ADAMTS9: variants seen among roughly 807,000 people sequenced by gnomAD.
ADAMTS9 encodes ADAM metallopeptidase with thrombospondin type 1 motif 9, also known as A disintegrin and metalloproteinase with thrombospondin motifs 9.
ADAMTS9 carries 107 observed loss-of-function variants against 257.1 expected under a neutral mutation model. That is an observed-to-expected ratio of 0.42 (90% CI 0.36 to 0.49). The LOEUF (loss-of-function observed/expected upper bound fraction) is 0.49. ADAMTS9 is among the 20% of genes least tolerant of loss of function. The pLI is 0.03. For missense variants in ADAMTS9, 2,353 were observed against 2,469.1 expected, an observed-to-expected ratio of 0.95 and a Z score of 1.00; for synonymous variants, 982 against 880.9, an observed-to-expected ratio of 1.11 and a Z score of -2.03.
chr3:64,525,209 T>C (rs1196739508), intron 38 of ADAMTS9, among the ~76,000 whole-genome samples: 1 of 152,206 alleles, frequency 6.6e-6, no homozygotes, highest in Non-Finnish European at 1.5e-5. Flanking sequence ...AATGAATGAA[T>C]GAAAGGCTGA....
At chr3:64,571,125 T>C (rs1028555846) in intron 28 of ADAMTS9, among the ~76,000 whole-genome samples, 24 of 152,214 alleles carry the variant, frequency 1.6e-4, no homozygotes, top group Admixed American at 1.0e-3. Context: ...TAATCTACTG[T>C]GGTCATCAGA....
Position 64,647,929 on chromosome 3 carries a change from G to C in ADAMTS9, c.1710+11C>G, listed in dbSNP as rs1449789653. 6.2e-7 allele frequency: 1 copy of C among 1,611,878 alleles called. No homozygotes were observed. The highest frequency in any genetic ancestry group is 1.7e-5 in the Admixed American group (1 of 59,798). The stretch of plus-strand genomic sequence containing the variant: ...CCCTAAGACAGAAGGACAGAACAGG[G>C]CATTACTTGCCTTTCCAGGCTCGCA... On this transcript the variant is annotated intron_variant, in intron 11 of 39. Transcript: ENST00000498707.
In ADAMTS9 at chr3:64,616,116, G is replaced by T; in HGVS notation, c.2868C>A (p.Arg956=). The T allele has an allele frequency of 6.2e-7, 1 of 1,614,108 alleles. No individual in the cohort carries two copies. Among genetic ancestry groups the T allele is most frequent in the Non-Finnish European group, 8.5e-7 (1 of 1,179,982 alleles). Residue 956 remains arginine, a synonymous_variant, in exon 20 of 40, where the codon CGC becomes CGA. Coordinates refer to ENST00000498707, the MANE Select transcript of ADAMTS9 (RefSeq NM_182920.2). ...ATTTGGCACAGTAGATGTCCAATGT[G>T]CGGTAACCCAAGCCACACTGGGCAC... ...ECSAQCGLGY[R]TLDIYCAKYS...
At chr3:64,524,535 G>A (rs976133927) in intron 38 of ADAMTS9, among the ~76,000 whole-genome samples, 5 of 152,130 alleles carry the variant, frequency 3.3e-5, no homozygotes, top group Non-Finnish European at 7.4e-5. Flanking sequence ...CTAATTAAGC[G>A]AAATATTTTC....
rs753460041 is a variant in ADAMTS9 at position 64,550,981 on chromosome 3, G to A, written c.4780C>T (p.Arg1594Cys). 32 of 1,614,030 alleles carry A rather than the reference G, an allele frequency of 2.0e-5. No individual in the cohort carries two copies. Among genetic ancestry groups the A allele is most frequent in the Middle Eastern group, 1.6e-4 (1 of 6,084 alleles). The change falls in exon 31 of 40, where the codon CGC becomes TGC. Residue 1594 changes from arginine to cysteine, a missense_variant. Physicochemically the swap from Arg to Cys is radical, Grantham distance 180. Coordinates refer to ENST00000498707, the MANE Select transcript of ADAMTS9 (RefSeq NM_182920.2). ...ACCGGCCGCTTGCTCACGTCACAGC[G>A]TGCCCCATGCACCTCGTTTTTGTTG... ...DDNKNEVHGARCDVSKRPVDR... is the reference protein window; with the variant it reads ...DDNKNEVHGACCDVSKRPVDR...
At chr3:64,650,869 T>C (rs1188336082) in intron 9 of ADAMTS9, 148 bp downstream of exon 9, 1 of 149,860 alleles carries the variant, frequency 6.7e-6, no homozygotes. Context: ...TCAGAGAGCT[T>C]TTTTTTTTTT....
chr3:64,635,010 A>G (rs754897840), intron 12 of ADAMTS9, among the ~76,000 whole-genome samples: 13 of 151,986 alleles, frequency 8.6e-5, no homozygotes, highest in Non-Finnish European at 1.8e-4. Flanking sequence ...CTGAGCTTCA[A>G]TTTTTCCCCT....
intron 3 of ADAMTS9, among the ~76,000 whole-genome samples, chr3:64,660,253 AG>A (rs1178530399): frequency 3.3e-5 from 5 of 152,224 alleles, no homozygotes; most frequent in Non-Finnish European, 7.3e-5. Flanking sequence ...TCAATACCAA[AG>A]GTAAAAATAA....
At chr3:64,542,092 G>A (rs142627146) in intron 32 of ADAMTS9, 122 bp from the exon 33 acceptor site, 205 of 1,307,268 alleles carry the variant, frequency 1.6e-4, no homozygotes, top group African/African-American at 1.4e-3. Context: ...ACCCTGTGTC[G>A]CTGAATACAA....
intron 39 of ADAMTS9, chr3:64,521,624 A>C (rs2082853268): frequency 6.6e-6 from 1 of 152,434 alleles, no homozygotes; most frequent in African/African-American, 2.4e-5. Context: ...AAATAATGAA[A>C]TCATGTCCTT....
chr3:64,633,495 T>C lies in ADAMTS9; in HGVS notation c.2152A>G (p.Ile718Val), dbSNP rs764554074. Residue 718 changes from isoleucine to valine, a missense_variant, in exon 14 of 40, where the codon ATC (isoleucine) becomes GTC (valine). This residue lies in a region of ADAMTS9 where 360 missense variants were observed against 458.1 expected (regional missense o/e 0.79). Transcript: ENST00000498707. ...GTPCGQDTND[I>V]CVQGLCRQAG... is the part of the protein sequence containing the mutation. ...ACCCGGCAAAGGCCCTGGACACAGA[T>C]ATCATTTGTGTCCTGGCCACAAGGA... The C allele has an allele frequency of 1.2e-5, 20 of 1,614,066 alleles. No individual in the cohort carries two copies. The highest frequency in any genetic ancestry group is 1.5e-5 in the Non-Finnish European group (18 of 1,179,984).
intron 12 of ADAMTS9, among the ~76,000 whole-genome samples, chr3:64,637,871 C>G (rs9811070): frequency 6.6e-6 from 1 of 152,184 alleles, no homozygotes; most frequent in African/African-American, 2.4e-5. Flanking sequence ...AAACTGGATT[C>G]TTTTACTTAT....
chr3:64,617,493 T>C (rs1209094837), intron 19 of ADAMTS9, among the ~76,000 whole-genome samples: 1 of 152,186 alleles, frequency 6.6e-6, no homozygotes, highest in Admixed American at 6.5e-5. Context: ...CCCTGCTTTG[T>C]AGTCTCTCCC....
At chr3:64,647,092 G>A (rs1207182366) in intron 11 of ADAMTS9, among the ~76,000 whole-genome samples, 1 of 151,868 alleles carries the variant, frequency 6.6e-6, no homozygotes, top group Non-Finnish European at 1.5e-5. Context: ...AATGGAAAGA[G>A]GAGGGAAAAA....
chr3:64,593,898 A>T lies in ADAMTS9; in HGVS notation c.4356+360T>A, dbSNP rs199561998. On this transcript the variant is annotated intron_variant, in intron 28 of 39. Transcript: ENST00000498707. ...AAAAGTCAAAACTACTACAGCTTAG[A>T]AAAGGAAAGAATGTGTGCTATTGAG... Among the ~76,000 whole-genome samples, 4 of 152,132 alleles carry T rather than the reference A, an allele frequency of 2.6e-5. No homozygotes were observed. The East Asian group carries it at 5.8e-4, about 22-fold the overall frequency.
chr3:64,557,334 A>G (rs1232774493), intron 30 of ADAMTS9, among the ~76,000 whole-genome samples: 1 of 152,166 alleles, frequency 6.6e-6, no homozygotes, highest in Non-Finnish European at 1.5e-5. Flanking sequence ...GACCAGAAGG[A>G]CCTCTGCTGC....
At chr3:64,562,987 T>C (rs905897635) in intron 29 of ADAMTS9, 2 of 152,216 alleles carry the variant, frequency 1.3e-5, no homozygotes, top group African/African-American at 2.4e-5. Flanking sequence ...AGGAGAACCA[T>C]ATGTTCACAT....
chr3:64,521,950 C>A (rs941971419), intron 39 of ADAMTS9, among the ~76,000 whole-genome samples: 2 of 152,224 alleles, frequency 1.3e-5, no homozygotes, highest in African/African-American at 4.8e-5. Flanking sequence ...AATAAATAGG[C>A]CAGCTCTGTA....
intron 3 of ADAMTS9, among the ~76,000 whole-genome samples, chr3:64,668,452 G>A (rs1701403083): frequency 6.6e-6 from 1 of 152,158 alleles, no homozygotes; most frequent in African/African-American, 2.4e-5. Context: ...GTGAGCTCGG[G>A]AATCAGAGAG....
Sources: gnomAD v4.1 joint callset for allele counts (sites outside exome capture counted in the v4.1 genomes callset) on GRCh38, gnomAD v4.1.1 for gene constraint, gnomAD v4.1.1 regional missense constraint, MANE v1.5 for transcripts, NCBI Gene and HGNC (gene_info 2026-07-23, HGNC 2026-07-21) for gene names.